RNF208: variants seen among roughly 807,000 people sequenced by gnomAD.
RNF208 encodes the protein ring finger protein 208.
Under a neutral mutation model 15.2 loss-of-function variants are expected in RNF208, and 7 were observed. The observed-to-expected ratio is 0.46, with a 90% CI of 0.26 to 0.86. The LOEUF (loss-of-function observed/expected upper bound fraction) is 0.86, where lower values mean the gene tolerates loss of function less well. Ranked by LOEUF, RNF208 falls within the 40% of genes least tolerant of loss-of-function variation. The probability of loss-of-function intolerance (pLI) is 0.16; values close to 1 mark genes in which losing one functional copy is unlikely to be tolerated. For missense variants in RNF208, 342 were observed against 364.1 expected (o/e 0.94, Z 0.49); for synonymous variants, 211 against 163.2 (o/e 1.29, Z -2.23).
chr9:137,222,373 G>C (rs570341731), upstream of RNF208, among the ~76,000 whole-genome samples: 525 of 151,534 alleles, frequency 3.5e-3, 2 homozygotes, highest in African/African-American at 0.012. Context: ...CGCTCCCGGC[G>C]TCGCTCTCGC....
chr9:137,220,269 A>G lies in RNF208; in HGVS notation c.*158T>C. On this transcript the variant is annotated 3_prime_UTR_variant, in exon 2 of 2. Transcript: ENST00000391553. Reference sequence around the variant, plus strand: ...GGAACAGGTGCAAACTTTGGCAAAGAGTTTTAATGGCAAAGTTGGCTGCAG... The same window carrying G: ...GGAACAGGTGCAAACTTTGGCAAAGGGTTTTAATGGCAAAGTTGGCTGCAG... 1 of 813,596 alleles carries G rather than the reference A, an allele frequency of 1.2e-6. No homozygotes were observed. Among genetic ancestry groups the G allele is most frequent in the Non-Finnish European group, 1.9e-6 (1 of 531,350 alleles). 50.4% of individuals were successfully genotyped at this position (813,596 alleles called of 1,614,324 possible).
In RNF208 at chr9:137,220,740, C is replaced by T; in HGVS notation, c.473G>A (p.Arg158His). Residue 158 changes from arginine (R) to histidine (H), a missense_variant, in exon 2 of 2, where the codon CGC (arginine) becomes CAC (histidine). By Grantham distance (29) the Arg-to-His change is conservative. Transcript: ENST00000391553. ...HSYNVTQRRP[R>H]VLSCLHSVCE... Reference sequence around the variant, plus strand: ...CACAGAGTGCAGGCAGGACAGCACGCGGGGCCTCCGCTGGGTGACATTGTA... The same window carrying T: ...CACAGAGTGCAGGCAGGACAGCACGTGGGGCCTCCGCTGGGTGACATTGTA... 4.3e-6 allele frequency: 7 copies of T among 1,612,272 alleles called. No individual in the cohort carries two copies. The highest frequency in any genetic ancestry group is 5.1e-6 in the Non-Finnish European group (6 of 1,179,838).
intron 1 of RNF208, among the ~76,000 whole-genome samples, 34 bp from the exon 2 acceptor site, chr9:137,221,772 C>T (rs1180061033): frequency 2.0e-5 from 3 of 152,108 alleles, no homozygotes; most frequent in Non-Finnish European, 4.4e-5. Context: ...GGCAGTGCCC[C>T]GGCCACCCCC....
Position 137,220,493 on chromosome 9 carries a change from C to A in RNF208, c.720G>T (p.Arg240=). ...AGGTGCACGCGGCCCCACAGTACTG[C>A]CGGAAGGTCTGGTAGCAGCTGCCCT... ...EPEGSCYQTF[R]QYCGAACTCH... is the part of the protein sequence containing the mutation. Residue 240 remains arginine, a synonymous_variant, in exon 2 of 2, where the codon CGG becomes CGT. Transcript: ENST00000391553. The A allele has an allele frequency of 1.2e-6, 2 of 1,602,274 alleles. No homozygotes were observed. The highest frequency in any genetic ancestry group is 1.7e-6 in the Non-Finnish European group (2 of 1,175,678).
rs1366477968 is a variant in RNF208 at position 137,221,472 on chromosome 9, G to A, written c.-260C>T. ...CAGGCGGGGGCAGGGAGGGGTGGGA[G>A]GCTGCCCTGGGCTGGGGGTCTGGCC... is the stretch of plus-strand genomic sequence containing the variant. On this transcript the variant is annotated 5_prime_UTR_variant, in exon 2 of 2. Transcript: ENST00000391553. 3.7e-6 allele frequency: 1 copy of A among 271,398 alleles called. No homozygotes were observed. 16.8% of individuals were successfully genotyped at this position (271,398 alleles called of 1,614,324 possible).
At chr9:137,222,257 G>A (rs1463397047), upstream of RNF208, among the ~76,000 whole-genome samples, 2 of 146,488 alleles carry the variant, frequency 1.4e-5, no homozygotes, top group African/African-American at 2.4e-5. Context: ...GAGGCGCGGG[G>A]ACCGCAGTGC....
rs779663805 is a variant in RNF208 at position 137,220,640 on chromosome 9, A to T, written c.573T>A (p.Arg191=). 6.2e-7 allele frequency: 1 copy of T among 1,612,530 alleles called. No individual in the cohort carries two copies. The highest frequency in any genetic ancestry group is 8.5e-7 in the Non-Finnish European group (1 of 1,179,896). ...CGTAGTCGGTGAAGAGCACAGTCTC[A>T]CGGCGGCAGGTGGGGCAGGAGATGA... ...YKFISCPTCR[R]ETVLFTDYGL... The change falls in exon 2 of 2, where the codon CGT becomes CGA. Residue 191 remains arginine (R), a synonymous_variant. Coordinates refer to ENST00000391553, the MANE Select transcript of RNF208 (RefSeq NM_031297.7).
chr9:137,222,904 C>T (rs1835894674), upstream of RNF208, among the ~76,000 whole-genome samples: 3 of 152,348 alleles, frequency 2.0e-5, no homozygotes, highest in South Asian at 4.1e-4. Flanking sequence ...TCCCTGCCCT[C>T]CTGGGTCCGC....
Position 137,220,317 on chromosome 9 carries a change from G to T in RNF208, c.*110C>A. Reference sequence around the variant, plus strand: ...CAGCGACAATGCCACTCGGGGTGGGGCCGGAAGCCATGGTGGGGAAGGAAG... The same window carrying T: ...CAGCGACAATGCCACTCGGGGTGGGTCCGGAAGCCATGGTGGGGAAGGAAG... On this transcript the variant is annotated 3_prime_UTR_variant, in exon 2 of 2. Coordinates refer to ENST00000391553, the MANE Select transcript of RNF208 (RefSeq NM_031297.7). 1 of 1,223,928 alleles carries T rather than the reference G, an allele frequency of 8.2e-7. No individual in the cohort carries two copies. Among genetic ancestry groups the T allele is most frequent in the Non-Finnish European group, 1.1e-6 (1 of 902,426 alleles). 75.8% of individuals were successfully genotyped at this position (1,223,928 alleles called of 1,614,324 possible). A position where few individuals can be genotyped will look rare whatever the true frequency, so the allele number is the denominator to read the frequency against.
Position 137,220,915 on chromosome 9 carries a change from T to C in RNF208, c.298A>G (p.Lys100Glu). Residue 100 changes from lysine to glutamate, a missense_variant, in exon 2 of 2, where the codon AAG becomes GAG. By Grantham distance (56) the Lys-to-Glu change is moderately conservative. Around this residue, in one of 3 missense-constraint regions of RNF208, gnomAD observed 207 missense variants for 193.7 expected, o/e 1.07. Transcript: ENST00000391553. ...HTPPLPRRPRKGSSELGFPRV... is the reference protein window; with the variant it reads ...HTPPLPRRPREGSSELGFPRV... ...GGAAAGCCCAGCTCCGAGCTTCCCT[T>C]ACGGGGCCGCCGTGGCAGTGGCGGG... 1 of 1,565,294 alleles carries C rather than the reference T, an allele frequency of 6.4e-7. No individual in the cohort carries two copies. The highest frequency in any genetic ancestry group is 2.3e-5 in the East Asian group (1 of 44,172).
At position 137,220,524 on chromosome 9, in the gene RNF208, T is replaced by G; in HGVS notation, c.689A>C (p.Glu230Ala). Reference protein sequence around the residue: ...TAPSGGQWGAEPEGSCYQTFR... With the variant: ...TAPSGGQWGAAPEGSCYQTFR... ...GGTCTGGTAGCAGCTGCCCTCGGGC[T>G]CAGCCCCCCACTGACCCCCGGATGG... Residue 230 changes from glutamate to alanine, a missense_variant, in exon 2 of 2, where the codon GAG becomes GCG. Transcript: ENST00000391553. 6.2e-7 allele frequency: 1 copy of G among 1,603,714 alleles called. No individual in the cohort carries two copies. The highest frequency in any genetic ancestry group is 8.5e-7 in the Non-Finnish European group (1 of 1,176,290).
upstream of RNF208, among the ~76,000 whole-genome samples, chr9:137,223,292 C>A (rs937959019): frequency 3.9e-5 from 6 of 152,220 alleles, no homozygotes; most frequent in Admixed American, 3.3e-4. Context: ...GGGGTCCTTA[C>A]GGGGCCCTGG....
chr9:137,220,739 G>A lies in RNF208; in HGVS notation c.474C>T (p.Arg158=), dbSNP rs1451728581. The change falls in exon 2 of 2, where the codon CGC becomes CGT. Residue 158 remains arginine, a synonymous_variant. Transcript: ENST00000391553. ...ACACAGAGTGCAGGCAGGACAGCACGCGGGGCCTCCGCTGGGTGACATTGT... is the reference window on the plus strand; with the variant it reads ...ACACAGAGTGCAGGCAGGACAGCACACGGGGCCTCCGCTGGGTGACATTGT... ...HSYNVTQRRP[R]VLSCLHSVCE... The A allele has an allele frequency of 9.9e-6, 16 of 1,612,470 alleles. No homozygotes were observed. Among genetic ancestry groups the A allele is most frequent in the South Asian group, 6.6e-5 (6 of 91,086 alleles).
upstream of RNF208, among the ~76,000 whole-genome samples, chr9:137,222,342 C>CCTCCCGGCCGCCCCTCGGTCCG (rs1346149185): frequency 7.3e-5 from 11 of 150,514 alleles, no homozygotes; most frequent in Non-Finnish European, 1.5e-4. Context: ...GCGGGGCCAG[C>CCTCCCGGCCGCCCCTCGGTCCG]CTCCCGGCCG....
Position 137,220,458 on chromosome 9 carries a change from C to G in RNF208, c.755G>C (p.Arg252Pro). Reference protein sequence around the residue: ...YCGAACTCHVRNPLSACSIM With the variant: ...YCGAACTCHVPNPLSACSIM ...GATGGAGCAGGCGGACAGTGGGTTC[C>G]GCACGTGGCAGGTGCACGCGGCCCC... The change falls in exon 2 of 2, where the codon CGG (arginine) becomes CCG (proline). Residue 252 changes from arginine to proline, a missense_variant. Arg to Pro is a moderately radical substitution (Grantham distance 103). This residue lies in a region of RNF208 where 59 missense variants were observed against 52.4 expected (regional missense o/e 1.13). Coordinates refer to ENST00000391553, the MANE Select transcript of RNF208 (RefSeq NM_031297.7). The G allele has an allele frequency of 6.3e-7, 1 of 1,596,278 alleles. No homozygotes were observed. The highest frequency in any genetic ancestry group is 8.5e-7 in the Non-Finnish European group (1 of 1,171,046).
chr9:137,220,423 G>A lies in RNF208; in HGVS notation c.*4C>T, dbSNP rs767863163. On this transcript the variant is annotated 3_prime_UTR_variant, in exon 2 of 2. Transcript: ENST00000391553. ...AGCGGGCAGTGGCGGGCAGGCAGGC[G>A]CTACTACATGATGGAGCAGGCGGAC... The A allele has an allele frequency of 2.5e-5, 39 of 1,560,158 alleles. No individual in the cohort carries two copies. The highest frequency in any genetic ancestry group is 2.0e-4 in the Admixed American group (11 of 55,078).
At chr9:137,223,005 C>G (rs1338076318), upstream of RNF208, among the ~76,000 whole-genome samples, 2 of 152,250 alleles carry the variant, frequency 1.3e-5, no homozygotes, top group Non-Finnish European at 2.9e-5. Flanking sequence ...GTGACCAGCT[C>G]TGGCCCCGCA....
chr9:137,222,703 G>A (rs994740984), upstream of RNF208, among the ~76,000 whole-genome samples: 2 of 152,238 alleles, frequency 1.3e-5, no homozygotes, highest in Non-Finnish European at 1.5e-5. Context: ...TAAGGGGCAA[G>A]AGCGGGGCGG....
At chr9:137,222,415 G>T (rs1285249570), upstream of RNF208, among the ~76,000 whole-genome samples, 7 of 151,868 alleles carry the variant, frequency 4.6e-5, no homozygotes, top group African/African-American at 7.2e-5. Context: ...GGACCCCCGC[G>T]TCGCCCCCAG....
Sources: allele counts gnomAD v4.1 joint callset (sites outside exome capture counted in the v4.1 genomes callset), GRCh38; gene constraint gnomAD v4.1.1; regional missense constraint gnomAD v4.1.1; transcripts MANE v1.5; gene names NCBI Gene and HGNC (gene_info 2026-07-23, HGNC 2026-07-21).